The following PCSK6 variants were observed in gnomAD, a reference collection of about 807,000 sequenced individuals.
PCSK6 encodes the protein paired basic amino acid cleaving enzyme 4.
In PCSK6, 85 loss-of-function variants were observed where a neutral mutation model predicts 123.3. That is an observed-to-expected ratio of 0.69 (90% CI 0.58 to 0.83). The LOEUF (loss-of-function observed/expected upper bound fraction) is 0.83. Ranked by LOEUF, PCSK6 falls within the 40% of genes least tolerant of loss-of-function variation. The pLI is 0.00. For synonymous variants in PCSK6, 508 were observed against 516.0 expected, an observed-to-expected ratio of 0.98 and a Z score of 0.21; for missense variants, 1,191 against 1,282.3, an observed-to-expected ratio of 0.93 and a Z score of 1.09.
At chr15:101,408,327 T>C (rs1205097526) in intron 6 of PCSK6, among the ~76,000 whole-genome samples, 1 of 152,246 alleles carries the variant, frequency 6.6e-6, no homozygotes, top group Non-Finnish European at 1.5e-5. Flanking sequence ...CCTGTCTCTC[T>C]GCTTCTTTCT....
chr15:101,311,397 G>A (rs903378712), intron 20 of PCSK6, among the ~76,000 whole-genome samples: 25 of 151,584 alleles, frequency 1.6e-4, no homozygotes, highest in African/African-American at 4.6e-4. Flanking sequence ...AAAGTGCTGG[G>A]ATTACAGGCG....
chr15:101,488,284 G>T (rs905082532), intron 1 of PCSK6, among the ~76,000 whole-genome samples: 3 of 152,214 alleles, frequency 2.0e-5, no homozygotes, highest in Admixed American at 2.0e-4. Flanking sequence ...TTTGTTAACT[G>T]CACTGAGAGG....
rs556117136 is a variant in PCSK6 at position 101,318,292 on chromosome 15, C to A, written c.2569+27G>T. 2.2e-5 allele frequency: 33 copies of A among 1,510,716 alleles called. No individual in the cohort carries two copies. The African/African-American group carries it at 4.0e-4, about 18-fold the overall frequency. The allele number at this position is 1,510,716 out of a possible 1,614,324, so 93.6% of individuals were successfully genotyped here. A position where few individuals can be genotyped will look rare whatever the true frequency, so the allele number is the denominator to read the frequency against. On this transcript the variant is annotated intron_variant, in intron 19 of 21. Coordinates refer to ENST00000611716, the MANE Select transcript of PCSK6 (RefSeq NM_002570.5). ...AGCCTACGCTTGGGTGACGCTGGCC[C>A]GAGGCCTCCGCAGGCGGTGAACTCA...
In PCSK6 at chr15:101,384,368, G is replaced by C. The variant is rs764843616; in HGVS notation, c.1368C>G (p.Ala456=). ...QHLLVKTSRP[A]HLKASDWKVN... ...CTTTCCAGTCGCTCGCTTTCAGGTG[G>C]GCCGGCCGGGATGTCTTCACTAGCA... The change falls in exon 10 of 22, where the codon GCC becomes GCG. Residue 456 remains alanine, a synonymous_variant. Transcript: ENST00000611716. The C allele has an allele frequency of 6.2e-7, 1 of 1,613,804 alleles. No individual in the cohort carries two copies. The highest frequency in any genetic ancestry group is 8.5e-7 in the Non-Finnish European group (1 of 1,179,812).
Position 101,398,374 on chromosome 15 carries a change from G to T in PCSK6, c.996+30C>A, listed in dbSNP as rs555439548. 2.0e-5 allele frequency: 31 copies of T among 1,582,680 alleles called. No individual in the cohort carries two copies. The highest frequency in any genetic ancestry group is 2.7e-5 in the Non-Finnish European group (31 of 1,159,686). ...TGTTTACTGTCACCCTTGTCCCAGA[G>T]CGCTCCCCTGTAGCCCTGGTTACTC... On this transcript the variant is annotated intron_variant, in intron 7 of 21. Coordinates refer to ENST00000611716, the MANE Select transcript of PCSK6 (RefSeq NM_002570.5). This position sits in a 1 kb window ranked among gnomAD's most constrained non-coding sequence, Gnocchi z 4.6.
chr15:101,489,325 C>G lies in PCSK6; in HGVS notation c.297+49G>C, dbSNP rs1015284171. The G allele has an allele frequency of 7.7e-5, 84 of 1,094,266 alleles. No individual in the cohort carries two copies. In the African/African-American group the frequency reaches 1.4e-3, roughly 18 times the overall value. 67.8% of individuals were successfully genotyped at this position (1,094,266 alleles called of 1,614,324 possible). A position where few individuals can be genotyped will look rare whatever the true frequency, so the allele number is the denominator to read the frequency against. The stretch of plus-strand genomic sequence containing the variant: ...TGCGGAGGCGCCCCCCTCGCGCGCG[C>G]CGGAGGCCGCCGGGAAAGTTTTGGG... On this transcript the variant is annotated intron_variant, in intron 1 of 21. Coordinates refer to ENST00000611716, the MANE Select transcript of PCSK6 (RefSeq NM_002570.5).
chr15:101,472,044 T>C (rs2057618433), intron 1 of PCSK6, among the ~76,000 whole-genome samples: 1 of 150,354 alleles, frequency 6.7e-6, no homozygotes, highest in Non-Finnish European at 1.5e-5. Context: ...AAAAAAAAGC[T>C]AAATGACCCA....
intron 7 of PCSK6, among the ~76,000 whole-genome samples, chr15:101,397,145 C>T (rs1357370268): frequency 4.6e-5 from 7 of 152,086 alleles, no homozygotes; most frequent in Admixed American, 4.6e-4. Flanking sequence ...GGCAGGGCAG[C>T]AGGGCTAGGG....
intron 13 of PCSK6, among the ~76,000 whole-genome samples, chr15:101,348,142 C>G (rs892755736): frequency 6.7e-6 from 1 of 150,214 alleles, no homozygotes; most frequent in Non-Finnish European, 1.5e-5. Flanking sequence ...AGCCACAACC[C>G]CCGCCCCCCC....
chr15:101,413,830 A>G (rs187457638), intron 6 of PCSK6, among the ~76,000 whole-genome samples: 1 of 150,006 alleles, frequency 6.7e-6, no homozygotes, highest in Non-Finnish European at 1.5e-5. Flanking sequence ...TCATTTATCA[A>G]TAAAAGAAAA....
At chr15:101,428,814 A>G (rs2141110933) in intron 5 of PCSK6, among the ~76,000 whole-genome samples, 1 of 152,322 alleles carries the variant, frequency 6.6e-6, no homozygotes, top group East Asian at 1.9e-4. Flanking sequence ...ACACAGCTTC[A>G]AGGCCAGGGC....
intron 1 of PCSK6, among the ~76,000 whole-genome samples, chr15:101,489,042 G>T (rs2058091148): frequency 6.7e-6 from 1 of 149,886 alleles, no homozygotes; most frequent in Non-Finnish European, 1.5e-5. Context: ...AGCCCGGCAG[G>T]TGTCCGCGCC....
chr15:101,479,707 A>C (rs564077012), intron 1 of PCSK6, among the ~76,000 whole-genome samples: 1 of 152,170 alleles, frequency 6.6e-6, no homozygotes, highest in Non-Finnish European at 1.5e-5. Context: ...CTTCTACTAG[A>C]CAGGGAACAG....
At chr15:101,328,562 G>T (rs1030002925) in intron 15 of PCSK6, among the ~76,000 whole-genome samples, 3 of 152,166 alleles carry the variant, frequency 2.0e-5, no homozygotes, top group Non-Finnish European at 4.4e-5. Flanking sequence ...CTTGGGGAGG[G>T]TCCTGAAGCA....
At chr15:101,437,355 G>GAA (rs995877805) in intron 2 of PCSK6, among the ~76,000 whole-genome samples, 37 of 152,334 alleles carry the variant, frequency 2.4e-4, no homozygotes, top group Middle Eastern at 6.8e-3. Flanking sequence ...GTGGGGCCGG[G>GAA]AAACCCCAGG....
intron 19 of PCSK6, among the ~76,000 whole-genome samples, chr15:101,314,021 G>A (rs1871974): frequency 0.31 from 46,399 of 152,106 alleles, 9,856 homozygotes; most frequent in African/African-American, 0.61. Flanking sequence ...CGTGGCTTGC[G>A]TTTGTGGCCC....
chr15:101,381,992 A>T, intron 11 of PCSK6, 100 bp downstream of exon 11: 1 of 737,478 alleles, frequency 1.4e-6, no homozygotes, highest in Non-Finnish European at 2.3e-6. Flanking sequence ...ACATGTGCAC[A>T]GAATGCATGT....
chr15:101,386,156 C>A (rs1184098963), intron 9 of PCSK6, among the ~76,000 whole-genome samples: 2 of 152,110 alleles, frequency 1.3e-5, no homozygotes, highest in Non-Finnish European at 1.5e-5. Flanking sequence ...GGAACGCACG[C>A]CGCGCCACAG....
At chr15:101,356,927 T>C (rs1477323337) in intron 13 of PCSK6, among the ~76,000 whole-genome samples, 1 of 152,172 alleles carries the variant, frequency 6.6e-6, no homozygotes, top group Admixed American at 6.5e-5. Flanking sequence ...GCTTTAAAAC[T>C]AATTACCTAA....
Sources: gnomAD v4.1 joint callset for allele counts (sites outside exome capture counted in the v4.1 genomes callset) on GRCh38, gnomAD v4.1.1 for gene constraint, Gnocchi (gnomAD v3.1) non-coding constraint, MANE v1.5 for transcripts, NCBI Gene and HGNC (gene_info 2026-07-23, HGNC 2026-07-21) for gene names.